CPA5: variants seen among roughly 807,000 people sequenced by gnomAD.
CPA5 encodes testicular tissue protein Li 32.
CPA5 carries 38 observed loss-of-function variants against 52.2 expected under a neutral mutation model. That is an observed-to-expected ratio of 0.73 (90% CI 0.56 to 0.95). CPA5 has a LOEUF of 0.95. Ranked by LOEUF, CPA5 falls within the 40% of genes least tolerant of loss-of-function variation. The pLI, the probability that CPA5 is intolerant of heterozygous loss-of-function variation, is 0.00. For missense variants in CPA5, 519 were observed against 566.7 expected (o/e 0.92, Z 0.86); for synonymous variants, 198 against 213.7 (o/e 0.93, Z 0.64).
chr7:130,368,214 C>T (rs569873056), intron 12 of CPA5, among the ~76,000 whole-genome samples, 196 bp from the exon 13 acceptor site: 14 of 152,336 alleles, frequency 9.2e-5, no homozygotes, highest in South Asian at 2.1e-4. Flanking sequence ...CAGGAGCTTT[C>T]TTTTTGCAGG....
At chr7:130,369,641 G>A (rs1796270927), downstream of CPA5, among the ~76,000 whole-genome samples, 1 of 151,842 alleles carries the variant, frequency 6.6e-6, no homozygotes, top group South Asian at 2.1e-4. Flanking sequence ...GTGTGCGTGT[G>A]TGTGTGTGCA....
At chr7:130,373,520 G>T (rs1584846708), downstream of CPA5, among the ~76,000 whole-genome samples, 1 of 152,386 alleles carries the variant, frequency 6.6e-6, no homozygotes, top group African/African-American at 2.4e-5. Context: ...TGAGGGGCCT[G>T]TGTGAGGCCA....
chr7:130,355,089 C>T (rs868923626), intron 5 of CPA5, among the ~76,000 whole-genome samples: 4 of 152,190 alleles, frequency 2.6e-5, no homozygotes, highest in Non-Finnish European at 4.4e-5. Flanking sequence ...AGGACCCAGG[C>T]CCCTCTGTTG....
rs902686405 is a variant in CPA5 at position 130,363,347 on chromosome 7, C to T, written c.748-72C>T. Reference sequence around the variant, plus strand: ...CACTAGGGTCCCCTACCCCCATAGGCCAGGATATCAGAGGCTCCCATCCCT... The same window carrying T: ...CACTAGGGTCCCCTACCCCCATAGGTCAGGATATCAGAGGCTCCCATCCCT... On this transcript the variant is annotated intron_variant, in intron 9 of 12. Transcript: ENST00000474905. 4 of 1,313,902 alleles carry T rather than the reference C, an allele frequency of 3.0e-6. No homozygotes were observed. In the African/African-American group the frequency reaches 5.9e-5, roughly 19 times the overall value. 81.4% of individuals were successfully genotyped at this position (1,313,902 alleles called of 1,614,324 possible).
chr7:130,354,088 C>G (rs1795335431), intron 5 of CPA5, among the ~76,000 whole-genome samples: 1 of 151,884 alleles, frequency 6.6e-6, no homozygotes, highest in Non-Finnish European at 1.5e-5. Flanking sequence ...TCACCATACC[C>G]AGCTAATTTT....
At chr7:130,368,345 C>T (rs1796216264) in intron 12 of CPA5, 65 bp from the exon 13 acceptor site, 1 of 1,535,932 alleles carries the variant, frequency 6.5e-7, no homozygotes. Context: ...CAGGATGCCT[C>T]TGTACCTTGC....
intron 5 of CPA5, among the ~76,000 whole-genome samples, chr7:130,356,255 G>A (rs566222077): frequency 1.6e-4 from 24 of 152,262 alleles, no homozygotes; most frequent in Admixed American, 1.4e-3. Context: ...TGCCCAACCC[G>A]GGAGGACTGT....
downstream of CPA5, among the ~76,000 whole-genome samples, chr7:130,371,576 T>TC (rs1443286745): frequency 8.1e-5 from 12 of 148,328 alleles, no homozygotes; most frequent in African/African-American, 2.7e-4. Flanking sequence ...GAGGTCTTCT[T>TC]TTTTTTTTTT....
intron 5 of CPA5, among the ~76,000 whole-genome samples, chr7:130,358,821 T>G (rs943209864): frequency 6.6e-6 from 1 of 152,004 alleles, no homozygotes; most frequent in Non-Finnish European, 1.5e-5. Flanking sequence ...AGTGAGTGAG[T>G]GGTTAACCCA....
At position 130,367,492 on chromosome 7, in the gene CPA5, T is replaced by C. The variant is rs1342167911; in HGVS notation, c.959T>C (p.Ile320Thr). 2.5e-6 allele frequency: 4 copies of C among 1,613,878 alleles called. No homozygotes were observed. The African/African-American group carries it at 5.3e-5, about 22-fold the overall frequency. Residue 320 changes from isoleucine to threonine, a missense_variant, in exon 11 of 13, where the codon ATC becomes ACC. By Grantham distance (89) the Ile-to-Thr change is moderately conservative. Coordinates refer to ENST00000474905, the MANE Select transcript of CPA5 (RefSeq NM_080385.5). Reference protein sequence around the residue: ...ITAHGNFKALISIHSYSQMLM... With the variant: ...ITAHGNFKALTSIHSYSQMLM... ...GCCCATGGCAACTTCAAGGCTCTGA[T>C]CTCCATCCACAGCTACTCTCAGATG... is the stretch of plus-strand genomic sequence containing the variant.
chr7:130,354,081 C>G (rs1554404671), intron 5 of CPA5, among the ~76,000 whole-genome samples: 2 of 152,042 alleles, frequency 1.3e-5, no homozygotes, highest in African/African-American at 4.8e-5. Flanking sequence ...GCCCATGTCA[C>G]CATACCCAGC....
downstream of CPA5, among the ~76,000 whole-genome samples, chr7:130,373,581 G>A (rs1796314064): frequency 6.6e-6 from 1 of 152,240 alleles, no homozygotes; most frequent in African/African-American, 2.4e-5. Context: ...TCCAGGGAGT[G>A]CAGTGAGGGG....
the CPA5 span, among the ~76,000 whole-genome samples, chr7:130,374,060 C>T: frequency 8.7e-4 from 133 of 152,166 alleles, no homozygotes; most frequent in South Asian, 2.5e-3. Flanking sequence ...GCTGCTGCGG[C>T]TCCCAGACCC....
intron 2 of CPA5, 145 bp from the exon 3 acceptor site, chr7:130,346,248 G>A (rs1189442768): frequency 3.2e-6 from 1 of 315,202 alleles, no homozygotes; most frequent in Non-Finnish European, 5.3e-6. Context: ...GAAAAGCTAA[G>A]GCCTGTCTTC....
chr7:130,347,712 C>T, intron 3 of CPA5, 54 bp from the exon 4 acceptor site: 1 of 1,488,842 alleles, frequency 6.7e-7, no homozygotes, highest in Non-Finnish European at 9.4e-7. Context: ...AGTGACACAG[C>T]CTTCCAGGGA....
chr7:130,367,296 A>C, intron 10 of CPA5, 76 bp from the exon 11 acceptor site: 1 of 1,293,514 alleles, frequency 7.7e-7, no homozygotes, highest in East Asian at 2.3e-5. Flanking sequence ...GTAGGGGAAC[A>C]CACAGGTATT....
At chr7:130,345,552 T>G (rs1794682909) in intron 1 of CPA5, 1 of 152,266 alleles carries the variant, frequency 6.6e-6, no homozygotes. Context: ...TCAGCAGGAC[T>G]GAGAAATTGA....
chr7:130,363,549 G>C, intron 10 of CPA5, 40 bp downstream of exon 10: 4 of 1,513,680 alleles, frequency 2.6e-6, no homozygotes, highest in Non-Finnish European at 2.7e-6. Flanking sequence ...TTGGAGAAGA[G>C]GTGTTGGCCC....
chr7:130,361,709 T>A (rs782452108), intron 7 of CPA5, among the ~76,000 whole-genome samples: 2 of 152,172 alleles, frequency 1.3e-5, no homozygotes, highest in Non-Finnish European at 2.9e-5. Context: ...TGGAACAGAA[T>A]TCAAGCAACT....
Sources: allele counts gnomAD v4.1 joint callset (sites outside exome capture counted in the v4.1 genomes callset), GRCh38; gene constraint gnomAD v4.1.1; transcripts MANE v1.5; gene names NCBI Gene and HGNC (gene_info 2026-07-23, HGNC 2026-07-21).